Variants in ARHGAP29 observed in about 807,000 individuals in gnomAD.
ARHGAP29 encodes Rho GTPase activating protein 29.
In ARHGAP29, 43 loss-of-function variants were observed where a neutral mutation model predicts 122.6. The ratio of observed to expected loss-of-function variants is 0.35; its 90% CI spans 0.27 to 0.45. ARHGAP29 has a LOEUF of 0.45. Among genes scored for constraint, ARHGAP29 ranks in the 20% least tolerant of loss-of-function variants. ARHGAP29 has a pLI of 1.00. For missense variants in ARHGAP29, 1,303 were observed against 1,477.2 expected, an observed-to-expected ratio of 0.88 and a Z score of 1.93; for synonymous variants, 506 against 497.1, an observed-to-expected ratio of 1.02 and a Z score of -0.24.
chr1:94,287,005 G>T, the ARHGAP29 span, among the ~76,000 whole-genome samples: 1 of 152,108 alleles, frequency 6.6e-6, no homozygotes, highest in South Asian at 2.1e-4. Context: ...CAGGTTAAGG[G>T]CTCAGTCCCC....
intron 12 of ARHGAP29, chr1:94,193,071 G>GA (rs1200613096): frequency 6.6e-6 from 1 of 151,994 alleles, no homozygotes; most frequent in Non-Finnish European, 1.5e-5. Flanking sequence ...TTGAAACATG[G>GA]AAAAACAGAA....
At chr1:94,178,748 G>C (rs1329707222) in intron 20 of ARHGAP29, among the ~76,000 whole-genome samples, 1 of 152,136 alleles carries the variant, frequency 6.6e-6, no homozygotes, top group Non-Finnish European at 1.5e-5. Flanking sequence ...TCTTTAGTGG[G>C]TACTGAAGGA....
At chr1:94,298,048 TTTGC>T in the ARHGAP29 span, among the ~76,000 whole-genome samples, 9 of 152,262 alleles carry the variant, frequency 5.9e-5, no homozygotes, top group South Asian at 1.5e-3. Flanking sequence ...TAAAAAGAAT[TTTGC>T]TTGCTTATTT....
intron 19 of ARHGAP29, 74 bp from the exon 20 acceptor site, chr1:94,180,031 C>A: frequency 9.9e-7 from 1 of 1,005,280 alleles, no homozygotes; most frequent in South Asian, 1.6e-5. Context: ...CTAACAGTTA[C>A]AGAGTGATTT....
chr1:94,270,529 G>A (rs970809783), intron 1 of ARHGAP29, among the ~76,000 whole-genome samples: 4 of 152,230 alleles, frequency 2.6e-5, no homozygotes, highest in African/African-American at 9.6e-5. Context: ...GATGAAACTG[G>A]TACATTCAGT....
At chr1:94,274,277 A>G (rs1261713240) in intron 1 of ARHGAP29, among the ~76,000 whole-genome samples, 1 of 152,224 alleles carries the variant, frequency 6.6e-6, no homozygotes, top group Non-Finnish European at 1.5e-5. Context: ...GATAACATAA[A>G]TGAATGAGCA....
intron 1 of ARHGAP29, among the ~76,000 whole-genome samples, chr1:94,259,317 C>T (rs571572440): frequency 6.6e-6 from 1 of 152,294 alleles, no homozygotes; most frequent in South Asian, 2.1e-4. Context: ...TATACCTCAT[C>T]CAACAGAGAC....
chr1:94,252,479 G>A (rs921994593), intron 1 of ARHGAP29, among the ~76,000 whole-genome samples: 16 of 152,312 alleles, frequency 1.1e-4, no homozygotes, highest in South Asian at 2.1e-4. Context: ...ACCCTGTGCC[G>A]TAGAGGCAGG....
chr1:94,174,742 T>C lies in ARHGAP29; in HGVS notation c.2913A>G (p.Ala971=). The C allele has an allele frequency of 6.2e-7, 1 of 1,609,732 alleles. No individual in the cohort carries two copies. Among genetic ancestry groups the C allele is most frequent in the South Asian group, 1.1e-5 (1 of 90,564 alleles). The stretch of plus-strand genomic sequence containing the variant: ...CAGCCTCTTGGTCTAGAAGCAACTG[T>C]GCTTTGTCTGAAAATGAAAGAAATC... ...GKCDACLSDK[A]QLLLDQEAES... The change falls in exon 23 of 23, where the codon GCA becomes GCG. Residue 971 remains alanine, a synonymous_variant. Coordinates refer to ENST00000260526, the MANE Select transcript of ARHGAP29 (RefSeq NM_004815.4).
chr1:94,266,376 A>C (rs1165089534), intron 1 of ARHGAP29, among the ~76,000 whole-genome samples: 1 of 152,162 alleles, frequency 6.6e-6, no homozygotes, highest in Non-Finnish European at 1.5e-5. Flanking sequence ...CAACAAATCA[A>C]TATTCTCTCA....
At chr1:94,280,007 T>C (rs575508522), upstream of ARHGAP29, among the ~76,000 whole-genome samples, 22 of 46,512 alleles carry the variant, frequency 4.7e-4, no homozygotes, top group African/African-American at 2.0e-3. Flanking sequence ...ATTTCTGTAC[T>C]TGTTTTTTCC....
At chr1:94,225,161 T>A (rs1652543961) in intron 2 of ARHGAP29, among the ~76,000 whole-genome samples, 1 of 152,144 alleles carries the variant, frequency 6.6e-6, no homozygotes, top group Non-Finnish European at 1.5e-5. Flanking sequence ...CATAAATGGT[T>A]TAAAGAAAAT....
chr1:94,313,893 C>T, the ARHGAP29 span, among the ~76,000 whole-genome samples: 5 of 152,164 alleles, frequency 3.3e-5, no homozygotes, highest in South Asian at 4.1e-4. Context: ...CCAAACACTA[C>T]GTGTTCTCAC....
chr1:94,201,636 G>A, intron 12 of ARHGAP29, 84 bp downstream of exon 12: 2 of 1,535,910 alleles, frequency 1.3e-6, no homozygotes, highest in Non-Finnish European at 1.8e-6. Context: ...GCCTCCCAAA[G>A]TGCTGGGATT....
In ARHGAP29 at chr1:94,174,178, C is replaced by T; in HGVS notation, c.3477G>A (p.Gln1159=). 6.2e-7 allele frequency: 1 copy of T among 1,614,188 alleles called. No individual in the cohort carries two copies. The highest frequency in any genetic ancestry group is 8.5e-7 in the Non-Finnish European group (1 of 1,180,034). ...TATAAAATGTTGTCCAATGTTGAGG[C>T]TGCAGTGTTCTGGGTGCTCTGACAG... ...LAPVRAPRTL[Q]PQHWTTFYKP... Residue 1159 remains glutamine, a synonymous_variant, in exon 23 of 23, where the codon CAG becomes CAA. Transcript: ENST00000260526.
chr1:94,305,394 G>T, the ARHGAP29 span, among the ~76,000 whole-genome samples: 1 of 152,222 alleles, frequency 6.6e-6, no homozygotes, highest in Non-Finnish European at 1.5e-5. Context: ...AGCACTGGAA[G>T]TAAAGGCAGT....
chr1:94,194,670 ACAT>A (rs1349104416), intron 12 of ARHGAP29: 1 of 152,282 alleles, frequency 6.6e-6, no homozygotes, highest in African/African-American at 2.4e-5. Context: ...AAATATCATC[ACAT>A]CATCACACTG....
At chr1:94,217,356 A>G (rs780987073) in intron 3 of ARHGAP29, among the ~76,000 whole-genome samples, 9 of 151,720 alleles carry the variant, frequency 5.9e-5, no homozygotes, top group Non-Finnish European at 1.2e-4. Context: ...CAAAATGGTA[A>G]AATCTCATCT....
chr1:94,203,042 T>C (rs770279465), intron 9 of ARHGAP29, 44 bp from the exon 10 acceptor site: 3 of 1,597,370 alleles, frequency 1.9e-6, no homozygotes, highest in Admixed American at 1.8e-5. Flanking sequence ...AGCAATTTTC[T>C]AATGGCATGC....
Sources: gnomAD v4.1 joint callset for allele counts (sites outside exome capture counted in the v4.1 genomes callset) on GRCh38, gnomAD v4.1.1 for gene constraint, MANE v1.5 for transcripts, NCBI Gene and HGNC (gene_info 2026-07-23, HGNC 2026-07-21) for gene names.